Variants in SMYD3 observed in about 807,000 individuals in gnomAD.
The protein encoded by SMYD3 is SET and MYND domain containing 3, also known as histone-lysine N-methyltransferase SMYD3.
SMYD3 carries 36 observed loss-of-function variants against 57.7 expected under a neutral mutation model. The observed-to-expected ratio is 0.62, with a 90% confidence interval of 0.48 to 0.82. The LOEUF (loss-of-function observed/expected upper bound fraction) is 0.82. Among genes scored for constraint, SMYD3 ranks in the 40% least tolerant of loss-of-function variants. The probability of loss-of-function intolerance (pLI) is 0.00; values close to 1 mark genes in which losing one functional copy is unlikely to be tolerated. For missense variants in SMYD3, 515 were observed against 538.8 expected, an observed-to-expected ratio of 0.96 and a Z score of 0.44; for synonymous variants, 211 against 195.0, an observed-to-expected ratio of 1.08 and a Z score of -0.68.
At chr1:246,090,435 C>T (rs570911226) in intron 5 of SMYD3, among the ~76,000 whole-genome samples, 16 of 152,018 alleles carry the variant, frequency 1.1e-4, no homozygotes, top group South Asian at 1.0e-3. Flanking sequence ...TCCTGATCTC[C>T]ACCAAGAACT....
chr1:246,008,033 A>G (rs1463146305), intron 5 of SMYD3, among the ~76,000 whole-genome samples: 1 of 152,236 alleles, frequency 6.6e-6, no homozygotes, highest in East Asian at 1.9e-4. Flanking sequence ...TAGGGGCTTC[A>G]ACAAAGTGAT....
At chr1:246,428,043 A>C (rs1412918835) in intron 1 of SMYD3, among the ~76,000 whole-genome samples, 2 of 152,176 alleles carry the variant, frequency 1.3e-5, no homozygotes, top group Non-Finnish European at 2.9e-5. Flanking sequence ...TTCAAATATA[A>C]AAAAATTTTA....
At chr1:246,253,778 A>C (rs180772083) in intron 5 of SMYD3, among the ~76,000 whole-genome samples, 5 of 152,318 alleles carry the variant, frequency 3.3e-5, no homozygotes, top group African/African-American at 1.2e-4. Context: ...GGTGCATAGA[A>C]ACGCTATTGA....
intron 5 of SMYD3, among the ~76,000 whole-genome samples, chr1:246,045,689 C>T (rs2059951287): frequency 6.6e-6 from 1 of 152,158 alleles, no homozygotes. Context: ...TCAGAATGAA[C>T]AGGCAACCTA....
chr1:245,759,773 T>A (rs1558307245), intron 11 of SMYD3, among the ~76,000 whole-genome samples: 1 of 143,668 alleles, frequency 7.0e-6, no homozygotes, highest in Admixed American at 8.2e-5. Flanking sequence ...AAATACAGAT[T>A]TTTTTAAAAA....
chr1:245,911,897 C>A (rs529886818), intron 8 of SMYD3, among the ~76,000 whole-genome samples: 1 of 152,118 alleles, frequency 6.6e-6, no homozygotes, highest in South Asian at 2.1e-4. Flanking sequence ...ATGTTCCCAA[C>A]ATAAATAAAT....
At chr1:246,242,798 A>G (rs1375900796) in intron 5 of SMYD3, among the ~76,000 whole-genome samples, 3 of 143,022 alleles carry the variant, frequency 2.1e-5, no homozygotes, top group Admixed American at 1.5e-4. Context: ...AGGGGTTGCA[A>G]TCCTAGTCTC....
At chr1:245,858,471 T>C (rs771298453) in intron 10 of SMYD3, 25 bp downstream of exon 10, 8 of 1,604,926 alleles carry the variant, frequency 5.0e-6, no homozygotes, top group Non-Finnish European at 6.8e-6. Context: ...CTAGCCCTTA[T>C]GTCAGCCCTC....
intron 11 of SMYD3, among the ~76,000 whole-genome samples, chr1:245,755,209 T>C (rs2045557896): frequency 6.6e-6 from 1 of 152,250 alleles, no homozygotes. Context: ...TGGTTTTGTT[T>C]CCAAATATTG....
At chr1:246,353,888 G>C (rs1267354089) in intron 2 of SMYD3, among the ~76,000 whole-genome samples, 1 of 152,222 alleles carries the variant, frequency 6.6e-6, no homozygotes, top group Non-Finnish European at 1.5e-5. Context: ...CACACAGTGT[G>C]TGTTTTCCCT....
intron 5 of SMYD3, among the ~76,000 whole-genome samples, chr1:246,040,679 T>C (rs1425764980): frequency 1.3e-5 from 2 of 152,242 alleles, no homozygotes; most frequent in Non-Finnish European, 2.9e-5. Flanking sequence ...GGGGCTCCCG[T>C]ATCTCCTTTC....
At chr1:246,295,049 T>C (rs12040346) in intron 5 of SMYD3, among the ~76,000 whole-genome samples, 16,087 of 152,188 alleles carry the variant, frequency 0.11, 1,699 homozygotes, top group African/African-American at 0.27. Flanking sequence ...GAATAATATG[T>C]AATAATAAAT....
intron 5 of SMYD3, among the ~76,000 whole-genome samples, chr1:245,951,344 T>C (rs57236200): frequency 0.1 from 13,124 of 131,396 alleles, 931 homozygotes; most frequent in East Asian, 0.33. Flanking sequence ...CTGAGGCGGG[T>C]GGATCACGAG....
At chr1:246,043,805 C>T (rs551196859) in intron 5 of SMYD3, among the ~76,000 whole-genome samples, 6 of 152,290 alleles carry the variant, frequency 3.9e-5, no homozygotes, top group South Asian at 4.1e-4. Flanking sequence ...GCTCTCACAG[C>T]GTGCCTTCCC....
intron 5 of SMYD3, among the ~76,000 whole-genome samples, chr1:246,051,918 G>T (rs1200227423): frequency 6.6e-6 from 1 of 152,164 alleles, no homozygotes. Flanking sequence ...AGGCAGATTT[G>T]AATGTTTTTT....
At chr1:246,036,631 G>A (rs955451039) in intron 5 of SMYD3, among the ~76,000 whole-genome samples, 3 of 149,382 alleles carry the variant, frequency 2.0e-5, no homozygotes, top group African/African-American at 4.9e-5. Context: ...TCGGCTCACT[G>A]CAAGCTCCAC....
chr1:246,190,214 A>G (rs73143353), intron 5 of SMYD3, among the ~76,000 whole-genome samples: 3 of 151,662 alleles, frequency 2.0e-5, no homozygotes, highest in African/African-American at 7.2e-5. Context: ...ACTGCTTAAC[A>G]AAGGATTAAG....
At chr1:245,842,864 C>A (rs1048607547) in intron 10 of SMYD3, among the ~76,000 whole-genome samples, 1 of 152,080 alleles carries the variant, frequency 6.6e-6, no homozygotes, top group African/African-American at 2.4e-5. Flanking sequence ...GTGCACCCTA[C>A]CATGCCCAGC....
chr1:246,386,958 G>A (rs2066493651), intron 1 of SMYD3, among the ~76,000 whole-genome samples: 10 of 151,738 alleles, frequency 6.6e-5, no homozygotes, highest in Admixed American at 6.6e-5. Context: ...GAGAGTCTTC[G>A]AGGTATAGGC....
Sources: allele counts gnomAD v4.1 joint callset (sites outside exome capture counted in the v4.1 genomes callset), GRCh38; gene constraint gnomAD v4.1.1; transcripts MANE v1.5; gene names NCBI Gene and HGNC (gene_info 2026-07-23, HGNC 2026-07-21).